Variants in USP34 observed in about 807,000 individuals in gnomAD.
The protein encoded by USP34 is ubiquitin specific peptidase 34.
Under a neutral mutation model 460.3 loss-of-function variants are expected in USP34, and 70 were observed. The observed-to-expected ratio is 0.15, with a 90% confidence interval of 0.13 to 0.19. The LOEUF (loss-of-function observed/expected upper bound fraction) is 0.19, where lower values mean the gene tolerates loss of function less well. Ranked by LOEUF, USP34 falls within the 10% of genes least tolerant of loss-of-function variation. USP34 has a pLI of 1.00. For synonymous variants in USP34, 1,647 were observed against 1,405.3 expected (o/e 1.17, Z -3.85); for missense variants, 3,985 against 4,236.2 (o/e 0.94, Z 1.65).
chr2:61,283,946 G>C (rs1459170453), intron 35 of USP34, among the ~76,000 whole-genome samples: 1 of 151,894 alleles, frequency 6.6e-6, no homozygotes, highest in Non-Finnish European at 1.5e-5. Context: ...AGGGTGGGGT[G>C]GGGCAGAGGG....
chr2:61,455,973 A>T (rs183971251), intron 1 of USP34, among the ~76,000 whole-genome samples: 3 of 152,264 alleles, frequency 2.0e-5, no homozygotes, highest in Non-Finnish European at 2.9e-5. Flanking sequence ...TCCAAAGATC[A>T]CTCACTCAAG....
chr2:61,374,438 G>T (rs986973474), intron 8 of USP34, among the ~76,000 whole-genome samples: 1 of 152,040 alleles, frequency 6.6e-6, no homozygotes, highest in Non-Finnish European at 1.5e-5. Context: ...ATCAGTACTT[G>T]TGGCATTTTC....
At chr2:61,228,164 T>C (rs139079040) in intron 61 of USP34, among the ~76,000 whole-genome samples, 4 of 152,332 alleles carry the variant, frequency 2.6e-5, no homozygotes, top group Admixed American at 6.5e-5. Context: ...AAAGGGTACT[T>C]ATCTCTTATG....
intron 2 of USP34, among the ~76,000 whole-genome samples, chr2:61,413,122 G>C (rs375381187): frequency 5.9e-5 from 9 of 152,126 alleles, no homozygotes; most frequent in African/African-American, 2.2e-4. Flanking sequence ...GAGGCCGGGC[G>C]CGGTGGCTCA....
chr2:61,240,727 A>G (rs1688230760), intron 53 of USP34, among the ~76,000 whole-genome samples: 2 of 150,892 alleles, frequency 1.3e-5, no homozygotes, highest in African/African-American at 2.4e-5. Context: ...GTGCCCACCA[A>G]TACACCCAGC....
chr2:61,269,184 G>A (rs112529218), intron 41 of USP34, among the ~76,000 whole-genome samples: 1 of 152,200 alleles, frequency 6.6e-6, no homozygotes, highest in African/African-American at 2.4e-5. Context: ...AGAGTTTGGA[G>A]ACGATCTCAC....
At chr2:61,242,787 A>G (rs1398731183) in intron 51 of USP34, among the ~76,000 whole-genome samples, 1 of 152,220 alleles carries the variant, frequency 6.6e-6, no homozygotes, top group Non-Finnish European at 1.5e-5. Flanking sequence ...GCAGACAAGC[A>G]GCATTATGGG....
chr2:61,264,629 T>A (rs1688991944), intron 43 of USP34, among the ~76,000 whole-genome samples: 1 of 152,110 alleles, frequency 6.6e-6, no homozygotes, highest in Admixed American at 6.6e-5. Context: ...TGACAGACAC[T>A]GAGTCCTGCC....
Position 61,245,336 on chromosome 2 carries a change from C to G in USP34, c.6549-48G>C, listed in dbSNP as rs146497666. ...AATCTAGTATGCATATAATGAGTATCTTCATATTATGTCTACTATTTTTTG... is the reference window on the plus strand; with the variant it reads ...AATCTAGTATGCATATAATGAGTATGTTCATATTATGTCTACTATTTTTTG... On this transcript the variant is annotated intron_variant, in intron 50 of 79. Transcript: ENST00000398571. 6.7e-4 allele frequency: 725 copies of G among 1,085,376 alleles called. 4 individuals are homozygous for G. The African/African-American group carries it at 6.7e-3, about 10-fold the overall frequency. The allele number at this position is 1,085,376 out of a possible 1,614,324, so 67.2% of individuals were successfully genotyped here. A position where few individuals can be genotyped will look rare whatever the true frequency, so the allele number is the denominator to read the frequency against.
chr2:61,193,976 A>G (rs1332896321), intron 75 of USP34: 1 of 352,534 alleles, frequency 2.8e-6, no homozygotes, highest in African/African-American at 2.2e-5. Flanking sequence ...GAATCTCATA[A>G]TTTTCATGTC....
intron 53 of USP34, 81 bp from the exon 54 acceptor site, chr2:61,236,470 C>G: frequency 9.1e-7 from 1 of 1,103,488 alleles, no homozygotes; most frequent in East Asian, 2.6e-5. Context: ...GACAAAAAGT[C>G]TCTTCTAAAA....
At chr2:61,202,950 C>T (rs980999557) in intron 75 of USP34, among the ~76,000 whole-genome samples, 190 bp downstream of exon 75, 5 of 151,946 alleles carry the variant, frequency 3.3e-5, no homozygotes, top group African/African-American at 1.2e-4. Flanking sequence ...CTGGGCAGAA[C>T]TATTCAATGG....
At chr2:61,346,987 A>G (rs1691791218) in intron 15 of USP34, among the ~76,000 whole-genome samples, 1 of 152,002 alleles carries the variant, frequency 6.6e-6, no homozygotes, top group Admixed American at 6.6e-5. Context: ...AAAATACTAA[A>G]AAAGTAGCCA....
intron 68 of USP34, among the ~76,000 whole-genome samples, chr2:61,213,181 A>G (rs1325682538): frequency 6.6e-6 from 1 of 152,000 alleles, no homozygotes; most frequent in African/African-American, 2.4e-5. Flanking sequence ...ACTCCCAGCT[A>G]ATTTTGTATT....
At chr2:61,247,989 C>G (rs1688465004) in intron 49 of USP34, among the ~76,000 whole-genome samples, 3 of 151,942 alleles carry the variant, frequency 2.0e-5, no homozygotes, top group African/African-American at 7.3e-5. Flanking sequence ...GAGTTCGAGA[C>G]CAACCTAGCC....
intron 19 of USP34, among the ~76,000 whole-genome samples, chr2:61,331,757 T>C (rs753646090): frequency 2.0e-4 from 30 of 151,636 alleles, no homozygotes; most frequent in Non-Finnish European, 2.1e-4. Flanking sequence ...CTTTTGTCAT[T>C]AATTTGCTTA....
intron 33 of USP34, among the ~76,000 whole-genome samples, chr2:61,292,681 AC>A (rs1572905998): frequency 6.6e-6 from 1 of 152,228 alleles, no homozygotes; most frequent in East Asian, 1.9e-4. Context: ...AAAACAAAAA[AC>A]CACAGGAACT....
At chr2:61,372,634 C>A (rs371880355) in intron 8 of USP34, among the ~76,000 whole-genome samples, 145 of 152,222 alleles carry the variant, frequency 9.5e-4, no homozygotes, top group African/African-American at 3.4e-3. Context: ...TCATTTGAGT[C>A]CAGGTCAGAG....
At position 61,288,709 on chromosome 2, in the gene USP34, C is replaced by A; in HGVS notation, c.4717G>T (p.Ala1573Ser). ...GKSRKAAGDH[A>S]KGLHIPRLTE... ...AATCGTGGTATATGAAGACCCTTAG[C>A]ATGATCACCAGCAGCCTTCCTTGAT... Residue 1573 changes from alanine to serine, a missense_variant, in exon 34 of 80, where the codon GCT becomes TCT. Around this residue, in one of 14 missense-constraint regions of USP34, gnomAD observed 1,114 missense variants for 1,122.5 expected, o/e 0.99. Transcript: ENST00000398571. 1 of 1,614,000 alleles carries A rather than the reference C, an allele frequency of 6.2e-7. No homozygotes were observed.
Sources: gnomAD v4.1 joint callset for allele counts (sites outside exome capture counted in the v4.1 genomes callset) on GRCh38, gnomAD v4.1.1 for gene constraint, gnomAD v4.1.1 regional missense constraint, MANE v1.5 for transcripts, NCBI Gene and HGNC (gene_info 2026-07-23, HGNC 2026-07-21) for gene names.